Variants in OTOGL observed in about 807,000 individuals in gnomAD.
The protein encoded by OTOGL is otogelin-like protein.
In OTOGL, 285 loss-of-function variants were observed where a neutral mutation model predicts 318.5. The observed-to-expected ratio is 0.89, with a 90% CI of 0.81 to 0.99. OTOGL has a LOEUF of 0.99. Ranked by LOEUF, OTOGL falls within the 50% of genes least tolerant of loss-of-function variation. The probability of loss-of-function intolerance (pLI) is 0.00; values close to 1 mark genes in which losing one functional copy is unlikely to be tolerated. For missense variants in OTOGL, 2,899 were observed against 2,845.6 expected, an observed-to-expected ratio of 1.02 and a Z score of -0.43; for synonymous variants, 987 against 936.5, an observed-to-expected ratio of 1.05 and a Z score of -0.99.
rs1050460936 is a variant in OTOGL, at chr12:80,113,941, CT to C, written c.-20+14345del. Among the ~76,000 whole-genome samples, 78 of 151,238 alleles carry C rather than the reference CT, an allele frequency of 5.2e-4. No individual in the cohort carries two copies. The East Asian group carries it at 0.013, about 26-fold the overall frequency. On this transcript the variant is annotated intron_variant, in intron 1 of 58. Coordinates refer to ENST00000547103, the MANE Select transcript of OTOGL (RefSeq NM_001378609.3). ...TATGAGACTAGGATTGCAACACCTG[CT>C]TTTTTTTTCCTTTCACTTTCTTGGT...
intron 52 of OTOGL, among the ~76,000 whole-genome samples, chr12:80,363,410 A>G (rs1890347319): frequency 6.6e-6 from 1 of 152,180 alleles, no homozygotes; most frequent in Non-Finnish European, 1.5e-5. Context: ...GGAGATCAGC[A>G]AAGAGACTGG....
chr12:80,323,147 C>T (rs972647677), intron 34 of OTOGL, among the ~76,000 whole-genome samples: 3,331 of 34,276 alleles, frequency 0.097, 136 homozygotes, highest in African/African-American at 0.17. Context: ...CACACACACA[C>T]ATATATAAAA....
intron 18 of OTOGL, among the ~76,000 whole-genome samples, chr12:80,259,825 T>C (rs1882381901): frequency 6.6e-6 from 1 of 152,074 alleles, no homozygotes; most frequent in African/African-American, 2.4e-5. Flanking sequence ...TAATAAAATA[T>C]ATGTGCTTTT....
At chr12:80,269,221 A>G (rs1883225066) in intron 22 of OTOGL, among the ~76,000 whole-genome samples, 1 of 152,180 alleles carries the variant, frequency 6.6e-6, no homozygotes, top group African/African-American at 2.4e-5. Flanking sequence ...GGGCTTAAAT[A>G]TAGAACATAT....
chr12:80,120,089 G>A (rs761911886), intron 1 of OTOGL, among the ~76,000 whole-genome samples: 2 of 151,832 alleles, frequency 1.3e-5, no homozygotes, highest in Non-Finnish European at 1.5e-5. Flanking sequence ...GAGTAGCAGA[G>A]TTTGAATATG....
chr12:80,134,625 T>G (rs1478533252), intron 1 of OTOGL, among the ~76,000 whole-genome samples: 1 of 152,154 alleles, frequency 6.6e-6, no homozygotes, highest in African/African-American at 2.4e-5. Flanking sequence ...AAGACTCCTA[T>G]TCCCTGGGTC....
intron 49 of OTOGL, among the ~76,000 whole-genome samples, chr12:80,357,573 C>A (rs1889986368): frequency 6.6e-6 from 1 of 152,096 alleles, no homozygotes; most frequent in East Asian, 1.9e-4. Flanking sequence ...TTGGAAGAAT[C>A]TGGGGAAGTA....
intron 1 of OTOGL, among the ~76,000 whole-genome samples, chr12:80,119,148 C>A (rs781113522): frequency 1.1e-4 from 16 of 152,192 alleles, no homozygotes; most frequent in African/African-American, 3.9e-4. Flanking sequence ...CTGACAGCTA[C>A]TGAATCCAAG....
At chr12:80,128,516 G>A (rs529351524) in intron 1 of OTOGL, among the ~76,000 whole-genome samples, 70 of 152,350 alleles carry the variant, frequency 4.6e-4, no homozygotes, top group African/African-American at 1.6e-3. Flanking sequence ...CAGTCTGCCT[G>A]TTCTCAGATC....
At chr12:80,336,881 T>G in intron 41 of OTOGL, 31 bp from the exon 42 acceptor site, 1 of 1,544,346 alleles carries the variant, frequency 6.5e-7, no homozygotes, top group African/African-American at 1.4e-5. Context: ...TGTGTTTAAC[T>G]CCGTAAAGTT....
At chr12:80,127,388 G>T in intron 1 of OTOGL, among the ~76,000 whole-genome samples, 1 of 152,202 alleles carries the variant, frequency 6.6e-6, no homozygotes. Context: ...CTTCTGTCTT[G>T]TAGAGTTTCT....
intron 1 of OTOGL, among the ~76,000 whole-genome samples, chr12:80,204,466 C>T (rs1042423526): frequency 1.6e-4 from 24 of 152,064 alleles, no homozygotes; most frequent in East Asian, 1.9e-4. Flanking sequence ...AAGTATAGCA[C>T]GCTTTCTTTA....
intron 26 of OTOGL, among the ~76,000 whole-genome samples, chr12:80,279,820 T>G (rs1884087540): frequency 1.3e-5 from 2 of 151,972 alleles, no homozygotes; most frequent in South Asian, 4.1e-4. Context: ...ATGGGATTGC[T>G]GGGTTGACTG....
At chr12:80,288,459 G>T (rs908679249) in intron 26 of OTOGL, among the ~76,000 whole-genome samples, 3 of 152,072 alleles carry the variant, frequency 2.0e-5, no homozygotes, top group Non-Finnish European at 2.9e-5. Context: ...GCTAGGTTGG[G>T]GAAGTTCTCC....
intron 1 of OTOGL, among the ~76,000 whole-genome samples, chr12:80,147,978 C>T (rs1488626262): frequency 6.6e-6 from 1 of 152,130 alleles, no homozygotes; most frequent in Non-Finnish European, 1.5e-5. Context: ...TTCCTGAATA[C>T]AGCACACTGA....
rs769530523 is a variant in OTOGL at position 80,372,023 on chromosome 12, A to G, written c.6740A>G (p.Glu2247Gly). 1.9e-6 allele frequency: 3 copies of G among 1,549,474 alleles called. No individual in the cohort carries two copies. The highest frequency in any genetic ancestry group is 2.6e-6 in the Non-Finnish European group (3 of 1,143,626). The change falls in exon 57 of 59, where the codon GAA becomes GGA. Residue 2247 changes from glutamate (E) to glycine (G), a missense_variant. Physicochemically the swap from Glu to Gly is moderately conservative, Grantham distance 98. Coordinates refer to ENST00000547103, the MANE Select transcript of OTOGL (RefSeq NM_001378609.3). ...ATTGCTTTTTTCTCTTTCTAGAATG[A>G]AGGGATTGTGAAGCTTTATAATGAA... Reference protein sequence around the residue: ...PFNETECKMNEGIVKLYNEGC... With the variant: ...PFNETECKMNGGIVKLYNEGC...
chr12:80,256,259 CCAT>C, intron 16 of OTOGL, 75 bp from the exon 17 acceptor site: 1 of 1,442,404 alleles, frequency 6.9e-7, no homozygotes, highest in Non-Finnish European at 9.4e-7. Context: ...TCCCTTTCTC[CCAT>C]CTCCACCTTC....
rs1454131050 is a variant in OTOGL at position 80,368,300 on chromosome 12, T to C, written c.6606T>C (p.Val2202=). 2 of 1,583,718 alleles carry C rather than the reference T, an allele frequency of 1.3e-6. No homozygotes were observed. Among genetic ancestry groups the C allele is most frequent in the Admixed American group, 1.8e-5 (1 of 57,106 alleles). ...CKFHMENGTS[V]VYAVGSTWHY... is the part of the protein sequence containing the mutation. ...TTCACATGGAAAATGGAACATCAGT[T>C]GTATACGCGGTATGTTTCATGGAGA... is the stretch of plus-strand genomic sequence containing the variant. The change falls in exon 55 of 59, where the codon GTT becomes GTC. Residue 2202 remains valine, a synonymous_variant. Coordinates refer to ENST00000547103, the MANE Select transcript of OTOGL (RefSeq NM_001378609.3).
chr12:80,185,943 T>A (rs530016272), intron 1 of OTOGL, among the ~76,000 whole-genome samples: 8 of 152,028 alleles, frequency 5.3e-5, no homozygotes, highest in East Asian at 1.9e-4. Flanking sequence ...ATAAGAAGAG[T>A]TAGATGAGAT....
Sources: gnomAD v4.1 joint callset for allele counts (sites outside exome capture counted in the v4.1 genomes callset) on GRCh38, gnomAD v4.1.1 for gene constraint, MANE v1.5 for transcripts, NCBI Gene and HGNC (gene_info 2026-07-23, HGNC 2026-07-21) for gene names.